IL17B: variants seen among roughly 807,000 people sequenced by gnomAD.
IL17B encodes the protein interleukin 17B.
A neutral mutation model predicts 14.7 loss-of-function variants in IL17B; 14 were observed. That is an observed-to-expected ratio of 0.95 (90% CI 0.63 to 1.49). The LOEUF (loss-of-function observed/expected upper bound fraction) is 1.49. IL17B is among the 40% of genes most tolerant of loss of function. The pLI is 0.00. For missense variants in IL17B, 233 were observed against 252.8 expected, an observed-to-expected ratio of 0.92 and a Z score of 0.53; for synonymous variants, 105 against 94.8, an observed-to-expected ratio of 1.11 and a Z score of -0.62.
At chr5:149,400,304 C>T (rs1485047560) in intron 1 of IL17B, among the ~76,000 whole-genome samples, 1 of 151,914 alleles carries the variant, frequency 6.6e-6, no homozygotes. Context: ...CCAAGAAAGG[C>T]CAAAGATTGC....
At chr5:149,392,359 T>C (rs752481094) in intron 1 of IL17B, among the ~76,000 whole-genome samples, 6 of 152,260 alleles carry the variant, frequency 3.9e-5, no homozygotes, top group Non-Finnish European at 7.3e-5. Flanking sequence ...GCATGACTTA[T>C]GGCACTTCCG....
chr5:149,381,429 G>A (rs1275291986), upstream of IL17B, among the ~76,000 whole-genome samples: 2 of 152,206 alleles, frequency 1.3e-5, no homozygotes, highest in Non-Finnish European at 1.5e-5. Flanking sequence ...ACTTGGATAA[G>A]GGAGGGTCCT....
chr5:149,402,994 C>T (rs1284618804), intron 1 of IL17B, among the ~76,000 whole-genome samples: 1 of 105,196 alleles, frequency 9.5e-6, no homozygotes, highest in Admixed American at 1.1e-4. Context: ...CACAGTGAGA[C>T]TCCATCTCAA....
At chr5:149,379,945 A>G (rs889721382), upstream of IL17B, among the ~76,000 whole-genome samples, 4 of 152,136 alleles carry the variant, frequency 2.6e-5, no homozygotes, top group African/African-American at 7.2e-5. Context: ...TTTCCGCACA[A>G]TTTCAGCCTG....
chr5:149,376,703 C>T lies in IL17B; in HGVS notation c.311+33G>A, dbSNP rs753028190. 1.9e-5 allele frequency: 30 copies of T among 1,572,110 alleles called. 1 individual carries two copies. The South Asian group carries it at 2.7e-4, about 14-fold the overall frequency. On this transcript the variant is annotated intron_variant, in intron 2 of 2. Transcript: ENST00000261796. ...GGGGCACAGGAAAGGTCCCCACCCC[C>T]CAAAGACAGCTTGCCACCACTGCCC... is the stretch of plus-strand genomic sequence containing the variant.
At chr5:149,382,045 C>G (rs1187442526), upstream of IL17B, among the ~76,000 whole-genome samples, 1 of 152,230 alleles carries the variant, frequency 6.6e-6, no homozygotes, top group Non-Finnish European at 1.5e-5. Flanking sequence ...AGGAGCAGTG[C>G]TGCACTCACC....
rs1370538891 is a variant in IL17B at position 149,375,492 on chromosome 5, TC to T, written c.312-893del. On this transcript the variant is annotated intron_variant, in intron 2 of 2. Coordinates refer to ENST00000261796, the MANE Select transcript of IL17B (RefSeq NM_014443.3). The stretch of plus-strand genomic sequence containing the variant: ...ATCCCTGAGTGATTCATTGGCACAA[TC>T]AGATGTGAAAAGCTCCGTTCTGGAG... 2.0e-5 allele frequency among the ~76,000 whole-genome samples: 3 copies of T among 152,332 alleles called. No homozygotes were observed. The East Asian group carries it at 5.8e-4, about 29-fold the overall frequency.
rs1460925684 is a variant in IL17B at position 149,387,890 on chromosome 5, C to T, written n.96-10865G>A. 1.2e-4 allele frequency among the ~76,000 whole-genome samples: 18 copies of T among 152,036 alleles called. No homozygotes were observed. The East Asian group carries it at 3.5e-3, about 29-fold the overall frequency. ...TATTTTACAGAAGAAGAAATTGAGGCCATACAGTGAGGAGAAAAGGGACAG... is the reference window on the plus strand; with the variant it reads ...TATTTTACAGAAGAAGAAATTGAGGTCATACAGTGAGGAGAAAAGGGACAG... On this transcript the variant is annotated intron_variant and non_coding_transcript_variant, in intron 1 of 2. Coordinates refer to the IL17B transcript ENST00000505432.
upstream of IL17B, among the ~76,000 whole-genome samples, chr5:149,383,763 G>A (rs1312102458): frequency 2.0e-5 from 3 of 152,234 alleles, no homozygotes; most frequent in African/African-American, 4.8e-5. Context: ...GGTGTGCAGA[G>A]GGGCTGCCAC....
chr5:149,390,758 C>A (rs1485382198), intron 1 of IL17B, among the ~76,000 whole-genome samples: 1 of 151,770 alleles, frequency 6.6e-6, no homozygotes, highest in Non-Finnish European at 1.5e-5. Context: ...TCTATTTTTA[C>A]CTCTGTCTTT....
At chr5:149,390,462 C>A (rs1292989209) in intron 1 of IL17B, among the ~76,000 whole-genome samples, 1 of 151,090 alleles carries the variant, frequency 6.6e-6, no homozygotes, top group Non-Finnish European at 1.5e-5. Context: ...CGTAGTGACA[C>A]CCCCCTCCTC....
At position 149,374,620 on chromosome 5, in the gene IL17B, G is replaced by T. The variant is rs746450351; in HGVS notation, c.312-20C>A. The T allele has an allele frequency of 3.1e-6, 5 of 1,593,026 alleles. No homozygotes were observed. Among genetic ancestry groups the T allele is most frequent in the Non-Finnish European group, 4.3e-6 (5 of 1,164,124 alleles). On this transcript the variant is annotated intron_variant, in intron 2 of 2. Transcript: ENST00000261796. This position sits in a 1 kb window ranked among gnomAD's most constrained non-coding sequence, Gnocchi z 5.0. ...TTGATGCTGCAGGGAGCAGAAGAAA[G>T]AGCAGAGCGGAAGGTGATCAGGAAA...
intron 1 of IL17B, among the ~76,000 whole-genome samples, chr5:149,398,677 T>TG (rs1759144849): frequency 6.6e-6 from 1 of 151,948 alleles, no homozygotes; most frequent in Admixed American, 6.6e-5. Flanking sequence ...GAGGTGGAGG[T>TG]GGGCAGATCA....
rs189269933 is a variant in IL17B at position 149,385,252 on chromosome 5, G to A, written n.96-8227C>T. ...TGCCTGTAATCCCAGCTACTCAGGA[G>A]GCTGAGGCAGGAGAATCGCTTGAAC... On this transcript the variant is annotated intron_variant and non_coding_transcript_variant, in intron 1 of 2. Coordinates refer to the IL17B transcript ENST00000505432. Among the ~76,000 whole-genome samples the A allele has an allele frequency of 9.9e-3, 1,507 of 152,126 alleles. 21 individuals carry two copies. Among genetic ancestry groups the A allele is most frequent in the African/African-American group, 0.034 (1,426 of 41,552 alleles).
intron 1 of IL17B, among the ~76,000 whole-genome samples, chr5:149,385,600 A>G (rs1581390474): frequency 2.0e-5 from 3 of 152,294 alleles, no homozygotes; most frequent in Admixed American, 2.0e-4. Context: ...CGTGGAATAA[A>G]CAGCCTGTCT....
chr5:149,379,200 C>G lies in IL17B; in HGVS notation c.21+5G>C, dbSNP rs1453826422. ...GTGGGGGTGCGGCAGGGAAGCGCCA[C>G]GTACCAGGTTGTGAGGCCAGTCCAT... On this transcript the variant is annotated splice_donor_5th_base_variant and intron_variant, in intron 1 of 2. Coordinates refer to ENST00000261796, the MANE Select transcript of IL17B (RefSeq NM_014443.3). 10 of 1,614,078 alleles carry G rather than the reference C, an allele frequency of 6.2e-6. No individual in the cohort carries two copies. The highest frequency in any genetic ancestry group is 8.5e-6 in the Non-Finnish European group (10 of 1,179,982).
At chr5:149,383,672 A>G (rs1429186556), upstream of IL17B, among the ~76,000 whole-genome samples, 1 of 152,178 alleles carries the variant, frequency 6.6e-6, no homozygotes. Context: ...GGACGGGAAC[A>G]TTGTTGGTGG....
At position 149,376,444 on chromosome 5, in the gene IL17B, C is replaced by T. The variant is rs541599872; in HGVS notation, c.311+292G>A. On this transcript the variant is annotated intron_variant, in intron 2 of 2. Transcript: ENST00000261796. ...AGAGGAAGTGACATCTGGGGAAAGC[C>T]TTGCAGGCACTTCCATGGAGACTTG... 5.9e-5 allele frequency among the ~76,000 whole-genome samples: 9 copies of T among 152,348 alleles called. No homozygotes were observed. In the South Asian group the frequency reaches 1.9e-3, roughly 32 times the overall value.
In IL17B at chr5:149,374,546, C is replaced by T. The variant is rs1437928563; in HGVS notation, c.366G>A (p.Leu122=). ...TGAAGGGGTTCACACAGCCCAGACA[C>T]AGGCACCGTGCCTCCGGCAGGTCCA... ...IPVDLPEARC[L]CLGCVNPFTM... Residue 122 remains leucine, a synonymous_variant, in exon 3 of 3, where the codon CTG becomes CTA. Coordinates refer to ENST00000261796, the MANE Select transcript of IL17B (RefSeq NM_014443.3). The surrounding 1 kb of genome is among the most constrained non-coding windows in gnomAD (Gnocchi z 5.0). 6.2e-7 allele frequency: 1 copy of T among 1,613,214 alleles called. No homozygotes were observed.
Sources: gnomAD v4.1 joint callset for allele counts (sites outside exome capture counted in the v4.1 genomes callset) on GRCh38, gnomAD v4.1.1 for gene constraint, Gnocchi (gnomAD v3.1) non-coding constraint, MANE v1.5 for transcripts, NCBI Gene and HGNC (gene_info 2026-07-23, HGNC 2026-07-21) for gene names.